NOXRED1: variants seen among roughly 807,000 people sequenced by gnomAD.
The protein encoded by NOXRED1 is NADP dependent oxidoreductase domain containing 1, also known as NADP-dependent oxidoreductase domain-containing protein 1.
Under a neutral mutation model 30.4 loss-of-function variants are expected in NOXRED1, and 20 were observed. That is an observed-to-expected ratio of 0.66 (90% confidence interval 0.46 to 0.96). The LOEUF (loss-of-function observed/expected upper bound fraction) is 0.96, where lower values mean the gene tolerates loss of function less well. Among genes scored for constraint, NOXRED1 ranks in the 40% least tolerant of loss-of-function variants. The probability of loss-of-function intolerance (pLI) is 0.00; values close to 1 mark genes in which losing one functional copy is unlikely to be tolerated. For missense variants in NOXRED1, 374 were observed against 428.0 expected, an observed-to-expected ratio of 0.87 and a Z score of 1.11; for synonymous variants, 155 against 168.0, an observed-to-expected ratio of 0.92 and a Z score of 0.60.
intron 5 of NOXRED1, 95 bp from the exon 6 acceptor site, chr14:77,394,900 C>G: frequency 1.2e-6 from 1 of 805,088 alleles, no homozygotes; most frequent in Non-Finnish European, 2.0e-6. Flanking sequence ...TTCCTCATTA[C>G]CTTTTCATAA....
In NOXRED1 at chr14:77,406,817, C is replaced by T. The variant is rs762863178; in HGVS notation, c.589G>A (p.Asp197Asn). Reference sequence around the variant, plus strand: ...TTGGCCCCCCAGACGCTGACAGAATCTTCATCATACTGATACTGAGGCCGC... The same window carrying T: ...TTGGCCCCCCAGACGCTGACAGAATTTTCATCATACTGATACTGAGGCCGC... ...ILRPQYQYDE[D>N]SVSVWGANKG... The change falls in exon 4 of 6, where the codon GAT becomes AAT. Residue 197 changes from aspartate to asparagine, a missense_variant. Physicochemically the swap from Asp to Asn is conservative, Grantham distance 23. Coordinates refer to ENST00000380835, the MANE Select transcript of NOXRED1 (RefSeq NM_001113475.3). 6.2e-7 allele frequency: 1 copy of T among 1,614,106 alleles called. No homozygotes were observed.
Position 77,423,130 on chromosome 14 carries a change from A to G in NOXRED1, c.-241T>C, listed in dbSNP as rs115759320. 2.1e-3 allele frequency: 920 copies of G among 437,654 alleles called. 11 individuals carry two copies. Among genetic ancestry groups the G allele is most frequent in the African/African-American group, 0.017 (851 of 49,228 alleles). The allele number at this position is 437,654 out of a possible 1,614,324, so 27.1% of individuals were successfully genotyped here. On this transcript the variant is annotated 5_prime_UTR_variant, in exon 1 of 6. Transcript: ENST00000380835. ...ATTCCTAATCACTGGCTGCCCATGAATCCTGGACTCATGAAAAACCTGTAC... is the reference window on the plus strand; with the variant it reads ...ATTCCTAATCACTGGCTGCCCATGAGTCCTGGACTCATGAAAAACCTGTAC...
chr14:77,410,005 G>T (rs1894601735), intron 2 of NOXRED1, among the ~76,000 whole-genome samples: 1 of 152,026 alleles, frequency 6.6e-6, no homozygotes, highest in Non-Finnish European at 1.5e-5. Flanking sequence ...GTTTCATCAT[G>T]TTGGCCAGGC....
chr14:77,394,489 G>A lies in NOXRED1; in HGVS notation c.*142C>T. Reference sequence around the variant, plus strand: ...TATTCTACATTTTAAAGAGTCATCAGTACAGTTTTATAATTCCTGATGTCT... The same window carrying A: ...TATTCTACATTTTAAAGAGTCATCAATACAGTTTTATAATTCCTGATGTCT... On this transcript the variant is annotated 3_prime_UTR_variant, in exon 6 of 6. Coordinates refer to ENST00000380835, the MANE Select transcript of NOXRED1 (RefSeq NM_001113475.3). The A allele has an allele frequency of 1.7e-6, 1 of 573,488 alleles. No homozygotes were observed. Among genetic ancestry groups the A allele is most frequent in the Non-Finnish European group, 3.1e-6 (1 of 326,924 alleles). 35.5% of individuals were successfully genotyped at this position (573,488 alleles called of 1,614,324 possible).
chr14:77,412,229 C>G (rs1311886358), intron 2 of NOXRED1, among the ~76,000 whole-genome samples: 1 of 151,526 alleles, frequency 6.6e-6, no homozygotes, highest in Non-Finnish European at 1.5e-5. Context: ...AATTATGGTA[C>G]ATCCATACTT....
intron 5 of NOXRED1, among the ~76,000 whole-genome samples, chr14:77,396,420 T>C (rs1424573939): frequency 6.6e-6 from 1 of 152,070 alleles, no homozygotes; most frequent in East Asian, 1.9e-4. Flanking sequence ...TGGCTAATTT[T>C]GTATTTTTAA....
chr14:77,424,135 T>C (rs1176250185), upstream of NOXRED1, among the ~76,000 whole-genome samples: 1 of 152,224 alleles, frequency 6.6e-6, no homozygotes, highest in African/African-American at 2.4e-5. Flanking sequence ...AAGGCTGTTA[T>C]ATGACGACAC....
intron 1 of NOXRED1, among the ~76,000 whole-genome samples, chr14:77,418,161 G>A (rs1894881365): frequency 6.6e-6 from 1 of 151,700 alleles, no homozygotes; most frequent in Non-Finnish European, 1.5e-5. Context: ...TTGAGACAGG[G>A]TCTCACCCTG....
chr14:77,395,654 T>C (rs1251831135), intron 5 of NOXRED1, among the ~76,000 whole-genome samples: 1 of 150,904 alleles, frequency 6.6e-6, no homozygotes, highest in Non-Finnish European at 1.5e-5. Flanking sequence ...AAAAAAAAAA[T>C]TAGCTGGATG....
At chr14:77,408,892 A>ATTTTTTTTTTTTTATTTTTTTTTT (rs1894557236) in intron 2 of NOXRED1, among the ~76,000 whole-genome samples, 2 of 68,154 alleles carry the variant, frequency 2.9e-5, no homozygotes, top group Non-Finnish European at 5.3e-5. Flanking sequence ...CTGGTAGTTA[A>ATTTTTTTTTTTTTATTTTTTTTTT]TTTTTTTTTT....
At chr14:77,406,622 C>T in intron 4 of NOXRED1, 102 bp downstream of exon 4, 1 of 880,390 alleles carries the variant, frequency 1.1e-6, no homozygotes, top group Non-Finnish European at 1.8e-6. Flanking sequence ...CACACACACA[C>T]ACACACACAC....
chr14:77,394,337 T>A lies in NOXRED1; in HGVS notation c.*294A>T. The A allele has an allele frequency of 4.6e-6, 1 of 218,980 alleles. No homozygotes were observed. Among genetic ancestry groups the A allele is most frequent in the East Asian group, 9.3e-5 (1 of 10,696 alleles). The allele number at this position is 218,980 out of a possible 1,614,324, so 13.6% of individuals were successfully genotyped here. ...CTTATAACATTATAACTTCTTTAAT[T>A]TTAGAAGAGAAATAATTTGTATTAA... is the stretch of plus-strand genomic sequence containing the variant. On this transcript the variant is annotated 3_prime_UTR_variant, in exon 6 of 6. Coordinates refer to ENST00000380835, the MANE Select transcript of NOXRED1 (RefSeq NM_001113475.3).
chr14:77,424,286 T>G (rs1239485256), upstream of NOXRED1, among the ~76,000 whole-genome samples: 3 of 152,080 alleles, frequency 2.0e-5, no homozygotes, highest in Admixed American at 2.0e-4. Flanking sequence ...CCATCTCTAC[T>G]AAAAAGCTGG....
intron 2 of NOXRED1, among the ~76,000 whole-genome samples, chr14:77,408,197 C>A (rs1044160928): frequency 6.6e-6 from 1 of 151,958 alleles, no homozygotes; most frequent in Non-Finnish European, 1.5e-5. Flanking sequence ...ACTTTTAGAT[C>A]AAGTGCTGGA....
chr14:77,417,290 C>T (rs1286423056), intron 1 of NOXRED1, among the ~76,000 whole-genome samples: 4 of 152,180 alleles, frequency 2.6e-5, no homozygotes, highest in Non-Finnish European at 5.9e-5. Flanking sequence ...GTGTTATGTA[C>T]TTGTCCATTA....
chr14:77,415,623 T>TAGACAGAC (rs1377062641), intron 1 of NOXRED1, among the ~76,000 whole-genome samples: 84 of 143,628 alleles, frequency 5.8e-4, no homozygotes, highest in African/African-American at 1.8e-3. Context: ...GATAGATAGA[T>TAGACAGAC]AGATAGATAG....
At chr14:77,404,368 C>T (rs1894403691) in intron 5 of NOXRED1, among the ~76,000 whole-genome samples, 2 of 152,202 alleles carry the variant, frequency 1.3e-5, no homozygotes, top group Non-Finnish European at 2.9e-5. Flanking sequence ...TCTAGGATTA[C>T]ATCTAGGGTT....
chr14:77,403,947 C>CA (rs748504275), intron 5 of NOXRED1, among the ~76,000 whole-genome samples: 4 of 152,170 alleles, frequency 2.6e-5, no homozygotes, highest in Admixed American at 6.5e-5. Context: ...TGCTTAGCTT[C>CA]TGAGATCAGA....
chr14:77,414,467 C>T (rs904821495), intron 1 of NOXRED1, among the ~76,000 whole-genome samples: 2 of 152,182 alleles, frequency 1.3e-5, no homozygotes, highest in African/African-American at 4.8e-5. Flanking sequence ...GCGAGAGCCA[C>T]CGCACCCGGC....
Sources: gnomAD v4.1 joint callset for allele counts (sites outside exome capture counted in the v4.1 genomes callset) on GRCh38, gnomAD v4.1.1 for gene constraint, MANE v1.5 for transcripts, NCBI Gene and HGNC (gene_info 2026-07-23, HGNC 2026-07-21) for gene names.